The following ASXL2 variants were observed in gnomAD, a reference collection of about 807,000 sequenced individuals.
ASXL2 encodes ASXL transcriptional regulator 2.
In ASXL2, 23 loss-of-function variants were observed where a neutral mutation model predicts 122.0. The ratio of observed to expected loss-of-function variants is 0.19; its 90% CI spans 0.14 to 0.27. The LOEUF (loss-of-function observed/expected upper bound fraction) is 0.27, where lower values mean the gene tolerates loss of function less well. ASXL2 is among the 10% of genes least tolerant of loss of function. The pLI is 1.00. For missense variants in ASXL2, 1,518 were observed against 1,713.8 expected (o/e 0.89, Z 2.02); for synonymous variants, 650 against 637.0 (o/e 1.02, Z -0.31).
chr2:25,753,618 T>C lies in ASXL2; in HGVS notation c.1058A>G (p.Gln353Arg), dbSNP rs530824935. The C allele has an allele frequency of 1.9e-6, 3 of 1,613,546 alleles. No homozygotes were observed. The South Asian group carries it at 3.3e-5, about 18-fold the overall frequency. Residue 353 changes from glutamine (Q) to arginine (R), a missense_variant, in exon 11 of 13, where the codon CAG becomes CGG. By Grantham distance (43) the Gln-to-Arg change is conservative. Transcript: ENST00000435504. The part of the protein sequence containing the change: ...LSEGEFTPEM[Q>R]VRIRQEIEKE... ...CTCAATCTCTTGTCGAATTCTCACC[T>C]GCATCTCAGGTGTAAACTCACCTGC...
chr2:25,835,047 C>T (rs1050528034), intron 3 of ASXL2, among the ~76,000 whole-genome samples: 13 of 152,112 alleles, frequency 8.5e-5, no homozygotes, highest in Non-Finnish European at 1.5e-5. Context: ...TAGTCTCGAA[C>T]TCCTGACCTC....
intron 5 of ASXL2, among the ~76,000 whole-genome samples, chr2:25,783,046 T>C (rs750077154): frequency 8.5e-5 from 13 of 152,092 alleles, no homozygotes; most frequent in Non-Finnish European, 1.2e-4. Context: ...GGAGAATCGC[T>C]TGAATCCAGG....
intron 3 of ASXL2, among the ~76,000 whole-genome samples, chr2:25,820,193 G>A (rs1310480454): frequency 6.6e-6 from 1 of 152,138 alleles, no homozygotes; most frequent in African/African-American, 2.4e-5. Flanking sequence ...GAGATTATAG[G>A]TGTGAACCAC....
At chr2:25,819,364 A>G (rs2089279494) in intron 3 of ASXL2, among the ~76,000 whole-genome samples, 1 of 152,230 alleles carries the variant, frequency 6.6e-6, no homozygotes, top group South Asian at 2.1e-4. Context: ...AGATGTTTAC[A>G]GAGTCTCAGA....
At chr2:25,760,281 C>A (rs72799657) in intron 8 of ASXL2, among the ~76,000 whole-genome samples, 6,430 of 151,696 alleles carry the variant, frequency 0.042, 209 homozygotes, top group African/African-American at 0.08. Flanking sequence ...ACAGCAATTA[C>A]ACATCAATAA....
chr2:25,772,968 G>A (rs1342165524), intron 5 of ASXL2, among the ~76,000 whole-genome samples: 1 of 152,050 alleles, frequency 6.6e-6, no homozygotes, highest in African/African-American at 2.4e-5. Context: ...CAGTACTTTG[G>A]GAGGCTGAGG....
chr2:25,746,123 T>A (rs987765013), intron 12 of ASXL2, among the ~76,000 whole-genome samples: 2 of 152,112 alleles, frequency 1.3e-5, no homozygotes, highest in Admixed American at 1.3e-4. Context: ...AAGCATTTAA[T>A]TAAAAAAAAA....
At chr2:25,789,187 T>A (rs1423483865) in intron 5 of ASXL2, among the ~76,000 whole-genome samples, 1 of 151,874 alleles carries the variant, frequency 6.6e-6, no homozygotes, top group African/African-American at 2.4e-5. Context: ...TGCAGTTCAA[T>A]TTTTTTTATT....
At chr2:25,829,239 GACAA>G (rs767171411) in intron 3 of ASXL2, among the ~76,000 whole-genome samples, 15 of 151,950 alleles carry the variant, frequency 9.9e-5, no homozygotes, top group Admixed American at 5.9e-4. Context: ...TCCTGCCTGA[GACAA>G]ACAGAGAGAC....
chr2:25,847,754 C>A (rs2089665801), intron 1 of ASXL2, among the ~76,000 whole-genome samples: 1 of 152,148 alleles, frequency 6.6e-6, no homozygotes, highest in African/African-American at 2.4e-5. Context: ...CATTTGCACA[C>A]TGAAGTACTT....
intron 6 of ASXL2, among the ~76,000 whole-genome samples, chr2:25,770,867 T>C (rs1016033640): frequency 6.6e-6 from 1 of 152,188 alleles, no homozygotes; most frequent in African/African-American, 2.4e-5. Context: ...TTCATGATTT[T>C]AAAACACATA....
chr2:25,796,739 C>T (rs142178883), intron 5 of ASXL2, among the ~76,000 whole-genome samples: 1 of 152,286 alleles, frequency 6.6e-6, no homozygotes, highest in Non-Finnish European at 1.5e-5. Context: ...AAAATAAAAG[C>T]ATCCTAAAAG....
intron 11 of ASXL2, among the ~76,000 whole-genome samples, chr2:25,751,847 T>C (rs369859065): frequency 3.9e-5 from 6 of 151,932 alleles, no homozygotes; most frequent in East Asian, 3.9e-4. Context: ...AATGGCGTAA[T>C]CTTGGTCACT....
intron 3 of ASXL2, among the ~76,000 whole-genome samples, chr2:25,820,960 A>G (rs2089300580): frequency 6.6e-6 from 1 of 152,142 alleles, no homozygotes; most frequent in Admixed American, 6.5e-5. Flanking sequence ...TGAGGTCAGG[A>G]GTTCGAGACC....
intron 5 of ASXL2, among the ~76,000 whole-genome samples, chr2:25,788,949 T>A (rs2088789699): frequency 3.3e-5 from 5 of 152,202 alleles, no homozygotes. Context: ...TTACCTAGCT[T>A]TATGATTAAT....
chr2:25,799,638 G>A, intron 4 of ASXL2, 103 bp from the exon 5 acceptor site: 1 of 1,374,252 alleles, frequency 7.3e-7, no homozygotes, highest in East Asian at 2.3e-5. Flanking sequence ...ACTAATTTTT[G>A]TTACTATAGG....
intron 1 of ASXL2, among the ~76,000 whole-genome samples, chr2:25,871,319 T>C (rs547231560): frequency 7.2e-5 from 11 of 152,194 alleles, no homozygotes; most frequent in South Asian, 4.1e-4. Flanking sequence ...CACAGCAAAA[T>C]TGTCCAGCCT....
At chr2:25,776,879 T>C (rs1342195233) in intron 5 of ASXL2, among the ~76,000 whole-genome samples, 3 of 152,102 alleles carry the variant, frequency 2.0e-5, no homozygotes, top group African/African-American at 7.2e-5. Context: ...AAAGTGACAA[T>C]AAAGCTATCT....
intron 1 of ASXL2, among the ~76,000 whole-genome samples, chr2:25,873,049 T>C (rs1401367978): frequency 6.6e-6 from 1 of 152,138 alleles, no homozygotes; most frequent in Non-Finnish European, 1.5e-5. Context: ...CCGAGCGGTG[T>C]ACACTGTACC....
Sources: gnomAD v4.1 joint callset for allele counts (sites outside exome capture counted in the v4.1 genomes callset) on GRCh38, gnomAD v4.1.1 for gene constraint, MANE v1.5 for transcripts, NCBI Gene and HGNC (gene_info 2026-07-23, HGNC 2026-07-21) for gene names.